Variants in LSS observed in about 807,000 individuals in gnomAD.
LSS encodes the protein lanosterol synthase, also known as 2,3-epoxysqualene-lanosterol cyclase.
In LSS, 90 loss-of-function variants were observed where a neutral mutation model predicts 110.3. That is an observed-to-expected ratio of 0.82 (90% CI 0.69 to 0.97). LSS has a LOEUF of 0.97. Among genes scored for constraint, LSS ranks in the 50% least tolerant of loss-of-function variants. LSS has a pLI of 0.00. For synonymous variants in LSS, 433 were observed against 400.0 expected (o/e 1.08, Z -0.98); for missense variants, 927 against 990.0 (o/e 0.94, Z 0.85).
intron 17 of LSS, among the ~76,000 whole-genome samples, chr21:46,203,172 C>A (rs150622965): frequency 6.6e-6 from 1 of 152,290 alleles, no homozygotes; most frequent in Non-Finnish European, 1.5e-5. Flanking sequence ...GCAGGTGGAC[C>A]CCAAGCCATG....
chr21:46,207,652 G>T, intron 14 of LSS, 75 bp from the exon 15 acceptor site: 1 of 1,494,544 alleles, frequency 6.7e-7, no homozygotes, highest in Non-Finnish European at 9.0e-7. Context: ...ACAGCCGCAC[G>T]CATCCCTCCC....
intron 1 of LSS, 53 bp downstream of exon 1, chr21:46,228,679 C>T (rs758470656): frequency 6.2e-7 from 1 of 1,601,404 alleles, no homozygotes; most frequent in South Asian, 1.1e-5. Context: ...GCGCTCTCCT[C>T]AGCACCTAGG....
intron 4 of LSS, 45 bp downstream of exon 4, chr21:46,222,583 AAC>A: frequency 6.5e-7 from 1 of 1,533,408 alleles, no homozygotes; most frequent in Non-Finnish European, 9.0e-7. Context: ...ACATCATGAG[AAC>A]ACACACATGC....
intron 11 of LSS, 144 bp from the exon 12 acceptor site, chr21:46,210,888 C>T (rs2080120775): frequency 9.6e-6 from 7 of 726,176 alleles, no homozygotes; most frequent in Non-Finnish European, 1.4e-5. Flanking sequence ...GAGCCCTGGG[C>T]ACCCCTCATG....
intron 20 of LSS, among the ~76,000 whole-genome samples, chr21:46,194,034 G>A (rs1462162833): frequency 6.6e-6 from 1 of 152,158 alleles, no homozygotes; most frequent in East Asian, 1.9e-4. Flanking sequence ...GTGCACATCA[G>A]TGTGTACACT....
chr21:46,189,353 G>GAA lies in LSS; in HGVS notation c.*1749_*1750dup. On this transcript the variant is annotated 3_prime_UTR_variant, in exon 22 of 22. Transcript: ENST00000397728. ...ACGTGGGGGAGAACACGTGGGCTGA[G>GAA]AAAAAAAAACAGCATGTGCAAACCT... 1.8e-5 allele frequency: 5 copies of GAA among 281,766 alleles called. No individual in the cohort carries two copies. The highest frequency in any genetic ancestry group is 3.2e-5 in the South Asian group (1 of 31,278). The allele number at this position is 281,766 out of a possible 1,614,324, so 17.5% of individuals were successfully genotyped here.
In LSS at chr21:46,191,174, A is replaced by G. The variant is rs1439286508; in HGVS notation, c.2129T>C (p.Ile710Thr). 7 of 1,614,172 alleles carry G rather than the reference A, an allele frequency of 4.3e-6. No homozygotes were observed. The highest frequency in any genetic ancestry group is 5.9e-6 in the Non-Finnish European group (7 of 1,180,030). The change falls in exon 22 of 22, where the codon ATC becomes ACC. Residue 710 changes from isoleucine (I) to threonine (T), a missense_variant. Transcript: ENST00000397728. Reference sequence around the variant, plus strand: ...GCGGCCGAGGGCCCAGATGGGGAAGATGTTCCTGTAGCTCGTGTAGGAGAT... The same window carrying G: ...GCGGCCGAGGGCCCAGATGGGGAAGGTGTTCCTGTAGCTCGTGTAGGAGAT... ...CAISYTSYRN[I>T]FPIWALGRFS...
At chr21:46,195,645 C>T (rs758876586) in intron 19 of LSS, 31 bp downstream of exon 19, 4 of 1,577,118 alleles carry the variant, frequency 2.5e-6, no homozygotes, top group South Asian at 2.2e-5. Context: ...GTTGAGAACC[C>T]CCACCCACCA....
At chr21:46,192,704 T>C (rs761206996) in intron 20 of LSS, 28 of 454,590 alleles carry the variant, frequency 6.2e-5, no homozygotes, top group Non-Finnish European at 1.1e-4. Flanking sequence ...TGTCTCCATG[T>C]ACGTATGTCT....
At chr21:46,217,417 TCCTTATGTGATG>T (rs1247913095) in intron 6 of LSS, among the ~76,000 whole-genome samples, 4 of 152,076 alleles carry the variant, frequency 2.6e-5, no homozygotes, top group Non-Finnish European at 5.9e-5. Context: ...CTAGCCCCCA[TCCTTATGTGATG>T]CCTTATGTGA....
intron 3 of LSS, 120 bp from the exon 4 acceptor site, chr21:46,222,858 C>G (rs1036948281): frequency 2.7e-6 from 2 of 734,372 alleles, no homozygotes; most frequent in African/African-American, 1.8e-5. Context: ...ATAAAAACAC[C>G]CCCTGGAAAG....
At chr21:46,202,326 G>A (rs867688656) in intron 17 of LSS, among the ~76,000 whole-genome samples, 18 of 143,142 alleles carry the variant, frequency 1.3e-4, no homozygotes, top group Middle Eastern at 3.5e-3. Context: ...CCCGGGAGGC[G>A]GAGCTTGCAG....
intron 15 of LSS, 124 bp from the exon 16 acceptor site, chr21:46,206,892 C>T (rs1044457567): frequency 9.2e-5 from 67 of 726,336 alleles, no homozygotes; most frequent in Non-Finnish European, 1.3e-4. Flanking sequence ...GAACAGGGGG[C>T]GGAGAGCTGA....
chr21:46,206,787 C>A lies in LSS; in HGVS notation c.1468-19G>T. 1 of 1,593,670 alleles carries A rather than the reference C, an allele frequency of 6.3e-7. No individual in the cohort carries two copies. ...TCAGCAGCTGAAATCACAGAGAGCACCCTAGAACTCGCCCATGTGCTGAGC... is the reference window on the plus strand; with the variant it reads ...TCAGCAGCTGAAATCACAGAGAGCAACCTAGAACTCGCCCATGTGCTGAGC... On this transcript the variant is annotated intron_variant, in intron 15 of 21. Coordinates refer to ENST00000397728, the MANE Select transcript of LSS (RefSeq NM_002340.6).
chr21:46,222,484 G>A (rs1304591663), intron 4 of LSS, 146 bp downstream of exon 4: 4 of 655,814 alleles, frequency 6.1e-6, no homozygotes, highest in South Asian at 1.9e-5. Context: ...CCCACTCCCC[G>A]CCTGCTAGTC....
chr21:46,194,611 T>G lies in LSS; in HGVS notation c.1868A>C (p.Gln623Pro). 6.2e-7 allele frequency: 1 copy of G among 1,613,768 alleles called. No homozygotes were observed. Among genetic ancestry groups the G allele is most frequent in the Non-Finnish European group, 8.5e-7 (1 of 1,180,020 alleles). ...SRACDFLLSR[Q>P]MADGGWGEDF... ...CTCCCCCCAGCCTCCGTCTGCCATC[T>G]GCCGGGACAGCAGGAAGTCACAGGC... The change falls in exon 20 of 22, where the codon CAG (glutamine) becomes CCG (proline). Residue 623 changes from glutamine to proline, a missense_variant. Transcript: ENST00000397728.
At chr21:46,223,029 G>A (rs2080296812) in intron 3 of LSS, among the ~76,000 whole-genome samples, 1 of 152,204 alleles carries the variant, frequency 6.6e-6, no homozygotes, top group South Asian at 2.1e-4. Flanking sequence ...ACACTGCACA[G>A]CACCTCAGGA....
At position 46,207,579 on chromosome 21, in the gene LSS, T is replaced by G. The variant is rs747998453; in HGVS notation, c.1318-2A>C. ...CAGCGTACTGAAGGAGAAGCCACCCTGCAGAGCACAAGCCATGACTCCAGG... is the reference window on the plus strand; with the variant it reads ...CAGCGTACTGAAGGAGAAGCCACCCGGCAGAGCACAAGCCATGACTCCAGG... On this transcript the variant is annotated splice_acceptor_variant, in intron 14 of 21. Transcript: ENST00000397728. LOFTEE classifies it high-confidence loss of function. The G allele has an allele frequency of 1.2e-6, 2 of 1,603,560 alleles. No individual in the cohort carries two copies. The highest frequency in any genetic ancestry group is 1.7e-5 in the Admixed American group (1 of 58,332).
rs1569024536 is a variant in LSS at position 46,205,935 on chromosome 21, A to AT, written c.1570dup (p.Ile524AsnfsTer4). On this transcript the variant is annotated frameshift_variant, in exon 17 of 22. Transcript: ENST00000397728. LOFTEE classifies it high-confidence loss of function. ...CTCCACATAGGTGTAGTCAATCATG[A>AT]TGTCCCCTGGGAAAGGGAGGGAAGA... The AT allele has an allele frequency of 6.2e-7, 1 of 1,606,026 alleles. No individual in the cohort carries two copies. Among genetic ancestry groups the AT allele is most frequent in the Admixed American group, 1.7e-5 (1 of 58,970 alleles).
Sources: gnomAD v4.1 joint callset for allele counts (sites outside exome capture counted in the v4.1 genomes callset) on GRCh38, gnomAD v4.1.1 for gene constraint, MANE v1.5 for transcripts, NCBI Gene and HGNC (gene_info 2026-07-23, HGNC 2026-07-21) for gene names.